KCNG3: variants seen among roughly 807,000 people sequenced by gnomAD.
KCNG3 encodes voltage-gated potassium channel regulatory subunit KCNG3.
Under a neutral mutation model 29.0 loss-of-function variants are expected in KCNG3, and 15 were observed. The ratio of observed to expected loss-of-function variants is 0.52; its 90% CI spans 0.35 to 0.80. KCNG3 has a LOEUF of 0.80. KCNG3 is among the 30% of genes least tolerant of loss of function. The probability of loss-of-function intolerance (pLI) is 0.01; values close to 1 mark genes in which losing one functional copy is unlikely to be tolerated. For synonymous variants in KCNG3, 322 were observed against 248.9 expected, an observed-to-expected ratio of 1.29 and a Z score of -2.76; for missense variants, 512 against 605.7, an observed-to-expected ratio of 0.85 and a Z score of 1.62.
chr2:42,454,977 T>C (rs1672844294), intron 1 of KCNG3, among the ~76,000 whole-genome samples: 1 of 152,150 alleles, frequency 6.6e-6, no homozygotes, highest in Non-Finnish European at 1.5e-5. Flanking sequence ...TTCATAACAA[T>C]ATGAATATAT....
the KCNG3 span, among the ~76,000 whole-genome samples, chr2:42,420,333 G>A: frequency 1.9e-4 from 29 of 152,342 alleles, no homozygotes; most frequent in East Asian, 5.2e-3. Context: ...TTTTGGACAA[G>A]TTACTTAACT....
chr2:42,437,256 C>A (rs1672392926), downstream of KCNG3, among the ~76,000 whole-genome samples: 1 of 152,110 alleles, frequency 6.6e-6, no homozygotes, highest in South Asian at 2.1e-4. Context: ...ACAGGGTTAA[C>A]TGGGAATCTA....
intron 1 of KCNG3, chr2:42,469,972 CAGAGAGACACA>C (rs1673246817): frequency 2.2e-6 from 1 of 449,752 alleles, no homozygotes; most frequent in African/African-American, 2.1e-5. Flanking sequence ...CGGTGTGATA[CAGAGAGACACA>C]TGGTGTTGCA....
chr2:42,452,797 T>TGTG (rs1672794588), intron 1 of KCNG3, among the ~76,000 whole-genome samples: 2 of 122,030 alleles, frequency 1.6e-5, no homozygotes, highest in Non-Finnish European at 3.6e-5. Flanking sequence ...GTGTGTGTGT[T>TGTG]TTGAGATGAA....
At chr2:42,466,366 C>G (rs982549051) in intron 1 of KCNG3, among the ~76,000 whole-genome samples, 7 of 152,122 alleles carry the variant, frequency 4.6e-5, no homozygotes, top group African/African-American at 1.7e-4. Context: ...AGATCATGTG[C>G]CACTGCACTC....
intron 1 of KCNG3, among the ~76,000 whole-genome samples, chr2:42,486,448 C>T (rs1275808504): frequency 1.3e-5 from 2 of 152,214 alleles, no homozygotes; most frequent in Non-Finnish European, 2.9e-5. Context: ...TCATAGCTTT[C>T]ATCTGCTTAA....
At chr2:42,462,438 C>T (rs1224801027) in intron 1 of KCNG3, among the ~76,000 whole-genome samples, 1 of 152,150 alleles carries the variant, frequency 6.6e-6, no homozygotes, top group African/African-American at 2.4e-5. Context: ...GTGGCTCATG[C>T]CTGTAATCCC....
At chr2:42,468,622 T>C (rs947830427) in intron 1 of KCNG3, among the ~76,000 whole-genome samples, 1 of 152,140 alleles carries the variant, frequency 6.6e-6, no homozygotes, top group Non-Finnish European at 1.5e-5. Context: ...TGGAATTATA[T>C]ACTATGTTCA....
chr2:42,438,043 A>C (rs1217588897), downstream of KCNG3, among the ~76,000 whole-genome samples: 3 of 152,070 alleles, frequency 2.0e-5, no homozygotes, highest in Non-Finnish European at 4.4e-5. Context: ...ATTACTCTCT[A>C]CTAAGAAAGT....
Position 42,445,388 on chromosome 2 carries a change from C to T in KCNG3, c.666-809G>A, listed in dbSNP as rs149292878. ...GTCAATGCAAGATCATTTCCTAAAA[C>T]GTGAATCGTCCTTCCTTCCCAATAG... On this transcript the variant is annotated intron_variant, in intron 1 of 1. Transcript: ENST00000306078. Among the ~76,000 whole-genome samples the T allele has an allele frequency of 6.9e-3, 1,045 of 152,216 alleles. 11 individuals are homozygous for T. Among genetic ancestry groups the T allele is most frequent in the African/African-American group, 0.024 (1,004 of 41,534 alleles).
chr2:42,459,877 G>T (rs1186625592), intron 1 of KCNG3, among the ~76,000 whole-genome samples: 1 of 151,944 alleles, frequency 6.6e-6, no homozygotes, highest in Non-Finnish European at 1.5e-5. Flanking sequence ...TCGGGAGGCT[G>T]AGGCAGGAGA....
At chr2:42,415,525 G>A in the KCNG3 span, 2 of 152,164 alleles carry the variant, frequency 1.3e-5, no homozygotes, top group Admixed American at 6.5e-5. Context: ...AAAATGAAGA[G>A]GATGTGGCAC....
chr2:42,425,016 G>A, the KCNG3 span: 2 of 152,262 alleles, frequency 1.3e-5, no homozygotes, highest in Non-Finnish European at 2.9e-5. Context: ...ATCAGGACAA[G>A]GGCCTCTGTC....
At chr2:42,401,517 C>A in the KCNG3 span, among the ~76,000 whole-genome samples, 1 of 152,050 alleles carries the variant, frequency 6.6e-6, no homozygotes, top group South Asian at 2.1e-4. Flanking sequence ...TCACAGCTCA[C>A]TGCAGCCTCA....
chr2:42,396,421 G>A, the KCNG3 span, among the ~76,000 whole-genome samples: 2 of 152,144 alleles, frequency 1.3e-5, no homozygotes. Flanking sequence ...TATTTCTTCT[G>A]TTTTTTCTTT....
the KCNG3 span, among the ~76,000 whole-genome samples, chr2:42,400,714 C>G: frequency 2.5e-3 from 375 of 151,928 alleles, 1 homozygote; most frequent in Middle Eastern, 6.8e-3. Context: ...TAAGAATGAA[C>G]AGAAAAGTCT....
chr2:42,460,723 T>G (rs1001280032), intron 1 of KCNG3, among the ~76,000 whole-genome samples: 1 of 152,090 alleles, frequency 6.6e-6, no homozygotes, highest in Non-Finnish European at 1.5e-5. Flanking sequence ...ATGCCCTACA[T>G]AGATTAAACA....
In KCNG3 at chr2:42,442,019, G is replaced by C. The variant is rs576389297; in HGVS notation, c.*1915C>G. 1.3e-5 allele frequency: 2 copies of C among 151,784 alleles called. No individual in the cohort carries two copies. Among genetic ancestry groups the C allele is most frequent in the East Asian group, 3.8e-4 (2 of 5,198 alleles). The allele number at this position is 151,784 out of a possible 1,614,324, so 9.4% of individuals were successfully genotyped here. On this transcript the variant is annotated 3_prime_UTR_variant, in exon 2 of 2. Transcript: ENST00000306078. ...AAGCGGTCCCAGTACCAGTAAAATT[G>C]ATGGTTATCATATTTTTATTAGTAA...
intron 1 of KCNG3, among the ~76,000 whole-genome samples, chr2:42,478,366 G>T (rs1330508172): frequency 4.6e-5 from 7 of 152,044 alleles, no homozygotes; most frequent in African/African-American, 1.7e-4. Flanking sequence ...CTCCTGAGTA[G>T]CTGGGAGTAG....
Sources: allele counts gnomAD v4.1 joint callset (sites outside exome capture counted in the v4.1 genomes callset), GRCh38; gene constraint gnomAD v4.1.1; transcripts MANE v1.5; gene names NCBI Gene and HGNC (gene_info 2026-07-23, HGNC 2026-07-21).